Variants in CFAP53 observed in about 807,000 individuals in gnomAD.
CFAP53 encodes cilia and flagella associated protein 53.
In CFAP53, 62 loss-of-function variants were observed where a neutral mutation model predicts 59.7. The ratio of observed to expected loss-of-function variants is 1.04; its 90% CI spans 0.85 to 1.28. The LOEUF is 1.28. CFAP53 is among the 50% of genes most tolerant of loss of function. CFAP53 has a pLI of 0.00. For missense variants in CFAP53, 629 were observed against 615.6 expected, an observed-to-expected ratio of 1.02 and a Z score of -0.23; for synonymous variants, 218 against 205.7, an observed-to-expected ratio of 1.06 and a Z score of -0.51.
chr18:50,258,462 T>A (rs2033864076), intron 3 of CFAP53, among the ~76,000 whole-genome samples: 1 of 152,006 alleles, frequency 6.6e-6, no homozygotes, highest in Non-Finnish European at 1.5e-5. Flanking sequence ...TCAAAATAGA[T>A]CCAAGACTTA....
intron 7 of CFAP53, among the ~76,000 whole-genome samples, chr18:50,231,474 A>G (rs1391516444): frequency 6.6e-6 from 1 of 152,186 alleles, no homozygotes; most frequent in Non-Finnish European, 1.5e-5. Flanking sequence ...ATCTACCCAG[A>G]GAGACAATTG....
intron 2 of CFAP53, among the ~76,000 whole-genome samples, chr18:50,261,639 A>G (rs986376622): frequency 6.6e-6 from 1 of 151,884 alleles, no homozygotes; most frequent in Non-Finnish European, 1.5e-5. Context: ...CAATCCTCCC[A>G]CCTCAGCCTC....
chr18:50,243,736 G>C (rs2033715404), intron 5 of CFAP53, among the ~76,000 whole-genome samples: 1 of 152,106 alleles, frequency 6.6e-6, no homozygotes, highest in Non-Finnish European at 1.5e-5. Context: ...TGGATCACGA[G>C]GTCAGGAGAC....
At position 50,227,367 on chromosome 18, in the gene CFAP53, T is replaced by C. The variant is rs1310025814; in HGVS notation, c.*14A>G. On this transcript the variant is annotated 3_prime_UTR_variant, in exon 8 of 8. Transcript: ENST00000398545. The stretch of plus-strand genomic sequence containing the variant: ...ATTAAAAGACCAAGAAAAGATATAT[T>C]GATGCTCACGGAACTACGGTGGAAG... 1 of 1,596,478 alleles carries C rather than the reference T, an allele frequency of 6.3e-7. No homozygotes were observed. Among genetic ancestry groups the C allele is most frequent in the Non-Finnish European group, 8.6e-7 (1 of 1,164,496 alleles).
intron 1 of CFAP53, among the ~76,000 whole-genome samples, chr18:50,263,653 T>C (rs1475593398): frequency 6.6e-6 from 1 of 152,048 alleles, no homozygotes; most frequent in Non-Finnish European, 1.5e-5. Flanking sequence ...TCTGTGAAAA[T>C]AAAGCAGAGG....
intron 3 of CFAP53, 125 bp from the exon 4 acceptor site, chr18:50,251,909 A>G: frequency 2.4e-6 from 2 of 829,510 alleles, no homozygotes; most frequent in South Asian, 1.7e-5. Context: ...AGGCCATCGG[A>G]GCACAGGAAA....
At chr18:50,238,525 TA>T in intron 7 of CFAP53, 77 bp downstream of exon 7, 1 of 882,304 alleles carries the variant, frequency 1.1e-6, no homozygotes, top group Non-Finnish European at 1.8e-6. Context: ...GTACTGGGAT[TA>T]CAGGTGTGAG....
chr18:50,251,719 C>T lies in CFAP53; in HGVS notation c.539G>A (p.Arg180Gln), dbSNP rs766693988. Reference protein sequence around the residue: ...SIHQKKVCEERKAQIAFNEEL... With the variant: ...SIHQKKVCEEQKAQIAFNEEL... ...CTCATTAAATGCAATCTGTGCTTTC[C>T]GCTCCTCACACACCTTCTTCTGATG... The change falls in exon 4 of 8, where the codon CGG (arginine) becomes CAG (glutamine). Residue 180 changes from arginine (R) to glutamine (Q), a missense_variant. Coordinates refer to ENST00000398545, the MANE Select transcript of CFAP53 (RefSeq NM_145020.5). 65 of 1,614,184 alleles carry T rather than the reference C, an allele frequency of 4.0e-5. 1 individual carries two copies. Among genetic ancestry groups the T allele is most frequent in the African/African-American group, 1.2e-4 (9 of 75,028 alleles).
intron 3 of CFAP53, among the ~76,000 whole-genome samples, chr18:50,258,083 G>A (rs1299593028): frequency 3.3e-5 from 5 of 151,788 alleles, no homozygotes; most frequent in Non-Finnish European, 1.5e-5. Flanking sequence ...AAGAAAATAA[G>A]AAAAGAAAAG....
At chr18:50,266,162 G>A (rs530217583) in intron 1 of CFAP53, among the ~76,000 whole-genome samples, 174 bp downstream of exon 1, 108 of 152,320 alleles carry the variant, frequency 7.1e-4, no homozygotes, top group African/African-American at 2.5e-3. Flanking sequence ...TGAGAGGTGG[G>A]GTAGATAGGT....
intron 7 of CFAP53, among the ~76,000 whole-genome samples, chr18:50,236,624 T>C (rs910260625): frequency 4.6e-5 from 7 of 152,278 alleles, no homozygotes; most frequent in Non-Finnish European, 8.8e-5. Flanking sequence ...AGCCCACACA[T>C]AGGGGTTCCA....
intron 7 of CFAP53, among the ~76,000 whole-genome samples, chr18:50,231,791 T>A (rs1314433812): frequency 6.6e-6 from 1 of 152,080 alleles, no homozygotes; most frequent in Non-Finnish European, 1.5e-5. Flanking sequence ...TCAGAGCAAA[T>A]TCACACATTT....
chr18:50,250,844 T>G lies in CFAP53; in HGVS notation c.910A>C (p.Arg304=). 3 of 1,614,230 alleles carry G rather than the reference T, an allele frequency of 1.9e-6. No individual in the cohort carries two copies. The highest frequency in any genetic ancestry group is 2.5e-6 in the Non-Finnish European group (3 of 1,180,014). The change falls in exon 5 of 8, where the codon AGA becomes CGA. Residue 304 remains arginine (R), a synonymous_variant. Transcript: ENST00000398545. ...TTCATGTTCAAGTCCTGTTCGTCTC[T>G]GTATTCCTGCTGAATATGTTCTATC... ...ERIEHIQQEY[R]DEQDLNMKLV...
At chr18:50,247,043 A>T (rs1172118099) in intron 5 of CFAP53, among the ~76,000 whole-genome samples, 4 of 142,854 alleles carry the variant, frequency 2.8e-5, no homozygotes, top group Non-Finnish European at 6.2e-5. Context: ...AGTGAGATTT[A>T]AAAAAAAAAA....
intron 6 of CFAP53, among the ~76,000 whole-genome samples, chr18:50,242,253 G>A (rs1285678764): frequency 6.6e-6 from 1 of 152,074 alleles, no homozygotes; most frequent in African/African-American, 2.4e-5. Flanking sequence ...TACAGTTAAC[G>A]CAATCATCAC....
At position 50,238,486 on chromosome 18, in the gene CFAP53, A is replaced by C. The variant is rs906299339; in HGVS notation, c.1316+117T>G. The stretch of plus-strand genomic sequence containing the variant: ...AGGCTAATCTCAAACTCCTGGCTTC[A>C]AGCAATCCTCTTTCCTCAGCCTCCC... On this transcript the variant is annotated intron_variant, in intron 7 of 7. Transcript: ENST00000398545. The C allele has an allele frequency of 2.0e-4, 127 of 621,630 alleles. 1 individual carries two copies. The African/African-American group carries it at 2.2e-3, about 11-fold the overall frequency. 38.5% of individuals were successfully genotyped at this position (621,630 alleles called of 1,614,324 possible). A position where few individuals can be genotyped will look rare whatever the true frequency, so the allele number is the denominator to read the frequency against.
intron 7 of CFAP53, among the ~76,000 whole-genome samples, 189 bp downstream of exon 7, chr18:50,238,413 GT>G: frequency 6.6e-6 from 1 of 152,216 alleles, no homozygotes; most frequent in South Asian, 2.1e-4. Context: ...TATCTGGCTA[GT>G]TTTTATTTTT....
At chr18:50,230,934 A>T (rs1178454714) in intron 7 of CFAP53, among the ~76,000 whole-genome samples, 1 of 152,146 alleles carries the variant, frequency 6.6e-6, no homozygotes, top group African/African-American at 2.4e-5. Context: ...CCCTCCCCAT[A>T]TGTGTATCCT....
chr18:50,243,775 C>A (rs1481371680), intron 5 of CFAP53, among the ~76,000 whole-genome samples: 3 of 151,982 alleles, frequency 2.0e-5, no homozygotes, highest in Non-Finnish European at 4.4e-5. Context: ...CATGGTGAAA[C>A]CCCGTCTCTA....
Sources: allele counts gnomAD v4.1 joint callset (sites outside exome capture counted in the v4.1 genomes callset), GRCh38; gene constraint gnomAD v4.1.1; transcripts MANE v1.5; gene names NCBI Gene and HGNC (gene_info 2026-07-23, HGNC 2026-07-21).